Variants in LMO3 observed in about 807,000 individuals in gnomAD.
The protein encoded by LMO3 is LIM domain only 3, also known as LIM domain only protein 3.
In LMO3, 2 loss-of-function variants were observed where a neutral mutation model predicts 15.8. The ratio of observed to expected loss-of-function variants is 0.13; its 90% CI spans 0.05 to 0.40. The LOEUF (loss-of-function observed/expected upper bound fraction) is 0.40, where lower values mean the gene tolerates loss of function less well. Ranked by LOEUF, LMO3 falls within the 10% of genes least tolerant of loss-of-function variation. LMO3 has a pLI of 0.99. For synonymous variants in LMO3, 62 were observed against 63.8 expected (o/e 0.97, Z 0.13); for missense variants, 86 against 182.2 (o/e 0.47, Z 3.04).
rs1022488751 is a variant in LMO3, at chr12:16,587,723, T to C, written c.206+12932A>G. ...ACTACAGGAGACAAACAATGATATG[T>C]ATTACATGCAGTAAACACTGCCTTT... On this transcript the variant is annotated intron_variant, in intron 2 of 3. Coordinates refer to ENST00000537304, the MANE Select transcript of LMO3 (RefSeq NM_018640.5). This position sits in a 1 kb window ranked among gnomAD's most constrained non-coding sequence, Gnocchi z 4.3. Among the ~76,000 whole-genome samples the C allele has an allele frequency of 6.6e-6, 1 of 151,708 alleles. No homozygotes were observed. Among genetic ancestry groups the C allele is most frequent in the African/African-American group, 2.4e-5 (1 of 41,380 alleles).
rs564963283 is a variant in LMO3 at position 16,552,665 on chromosome 12, T to C, written c.333-1338A>G. 1.3e-3 allele frequency among the ~76,000 whole-genome samples: 203 copies of C among 152,172 alleles called. 1 individual carries two copies. Among genetic ancestry groups the C allele is most frequent in the Non-Finnish European group, 2.6e-3 (178 of 67,918 alleles). On this transcript the variant is annotated intron_variant, in intron 3 of 3. Coordinates refer to ENST00000537304, the MANE Select transcript of LMO3 (RefSeq NM_018640.5). ...TTGGTCTATTTGTGGAATTTACTTT[T>C]TTTCCCCAGGATTACTGCCTGCTGA... is the stretch of plus-strand genomic sequence containing the variant.
Position 16,604,740 on chromosome 12 carries a change from G to C in LMO3, c.-9+1326C>G. The C allele has an allele frequency of 9.4e-7, 1 of 1,060,302 alleles. No individual in the cohort carries two copies. Among genetic ancestry groups the C allele is most frequent in the South Asian group, 1.3e-5 (1 of 74,476 alleles). 65.7% of individuals were successfully genotyped at this position (1,060,302 alleles called of 1,614,324 possible). ...GTTTAAGCAGCAGTCTTTCAAAGCAGTTACAACAATAATATTTCGGTTCTT... is the reference window on the plus strand; with the variant it reads ...GTTTAAGCAGCAGTCTTTCAAAGCACTTACAACAATAATATTTCGGTTCTT... On this transcript the variant is annotated intron_variant, in intron 1 of 3. Coordinates refer to ENST00000537304, the MANE Select transcript of LMO3 (RefSeq NM_018640.5). This position sits in a 1 kb window ranked among gnomAD's most constrained non-coding sequence, Gnocchi z 5.3.
chr12:16,575,127 G>A (rs999181903), intron 2 of LMO3, among the ~76,000 whole-genome samples: 1 of 152,150 alleles, frequency 6.6e-6, no homozygotes, highest in Non-Finnish European at 1.5e-5. Flanking sequence ...TGACTTCCAA[G>A]TTATAATCTA....
chr12:16,552,153 G>C (rs553740228), intron 3 of LMO3, among the ~76,000 whole-genome samples: 2 of 151,922 alleles, frequency 1.3e-5, no homozygotes, highest in Non-Finnish European at 2.9e-5. Context: ...GTGACACTTT[G>C]GACACAATTA....
At chr12:16,572,941 C>A in intron 2 of LMO3, among the ~76,000 whole-genome samples, 1 of 151,246 alleles carries the variant, frequency 6.6e-6, no homozygotes, top group Non-Finnish European at 1.5e-5. Context: ...AATTGATCAT[C>A]AAAATAGGAA....
In LMO3 at chr12:16,589,156, G is replaced by A. The variant is rs375280220; in HGVS notation, c.206+11499C>T. Among the ~76,000 whole-genome samples the A allele has an allele frequency of 6.3e-4, 96 of 152,186 alleles. No individual in the cohort carries two copies. The highest frequency in any genetic ancestry group is 2.3e-3 in the African/African-American group (94 of 41,534). ...ATTAGATGTAACCTCACCCAGTTTG[G>A]AAGATTTTAGGGAAGTGACAAGAAC... On this transcript the variant is annotated intron_variant, in intron 2 of 3. Transcript: ENST00000537304. The surrounding 1 kb of genome is among the most constrained non-coding windows in gnomAD (Gnocchi z 4.2).
chr12:16,563,959 G>A (rs1284336493), intron 2 of LMO3, among the ~76,000 whole-genome samples: 1 of 152,022 alleles, frequency 6.6e-6, no homozygotes, highest in Non-Finnish European at 1.5e-5. Context: ...TATGTTCATA[G>A]TAGGCCTTAA....
intron 1 of LMO3, chr12:16,601,791 A>C (rs1943832846): frequency 6.6e-6 from 1 of 152,166 alleles, no homozygotes; most frequent in Non-Finnish European, 1.5e-5. Context: ...ATAAATAAGG[A>C]ATCCAGCTGG....
At chr12:16,579,621 CT>C (rs936726068) in intron 2 of LMO3, among the ~76,000 whole-genome samples, 2 of 152,224 alleles carry the variant, frequency 1.3e-5, no homozygotes, top group African/African-American at 4.8e-5. Context: ...TGGTGGAATC[CT>C]TTAGTTGAAG....
intron 2 of LMO3, among the ~76,000 whole-genome samples, chr12:16,566,930 A>G (rs1264678071): frequency 6.6e-6 from 1 of 152,210 alleles, no homozygotes; most frequent in Non-Finnish European, 1.5e-5. Flanking sequence ...CCAAAAGCCC[A>G]TGCTACATAG....
Position 16,579,735 on chromosome 12 carries a change from G to C in LMO3, c.207-19197C>G, listed in dbSNP as rs547846973. Among the ~76,000 whole-genome samples, 41 of 152,244 alleles carry C rather than the reference G, an allele frequency of 2.7e-4. No individual in the cohort carries two copies. In the South Asian group the frequency reaches 7.3e-3, roughly 27 times the overall value. On this transcript the variant is annotated intron_variant, in intron 2 of 3. Coordinates refer to ENST00000537304, the MANE Select transcript of LMO3 (RefSeq NM_018640.5). ...AGAAAATTTTTATCTTGTTTTTCCAGTAGAAATAGCATTTCAGAATGACCA... is the reference window on the plus strand; with the variant it reads ...AGAAAATTTTTATCTTGTTTTTCCACTAGAAATAGCATTTCAGAATGACCA...
rs964454173 is a variant in LMO3, at chr12:16,551,154, G to A, written c.*68C>T. The A allele has an allele frequency of 1.0e-6, 1 of 1,003,958 alleles. No individual in the cohort carries two copies. The highest frequency in any genetic ancestry group is 1.6e-6 in the Non-Finnish European group (1 of 626,400). 62.2% of individuals were successfully genotyped at this position (1,003,958 alleles called of 1,614,324 possible). ...AGTAGGTTCCTGTGTCAATTCTTAT[G>A]TACATGTGGAGCAAAAAAGATAAAA... On this transcript the variant is annotated 3_prime_UTR_variant, in exon 4 of 4. Transcript: ENST00000537304.
chr12:16,591,095 A>C lies in LMO3; in HGVS notation c.206+9560T>G, dbSNP rs1311056970. 2.0e-5 allele frequency among the ~76,000 whole-genome samples: 3 copies of C among 152,036 alleles called. No individual in the cohort carries two copies. Among genetic ancestry groups the C allele is most frequent in the African/African-American group, 7.2e-5 (3 of 41,426 alleles). On this transcript the variant is annotated intron_variant, in intron 2 of 3. Coordinates refer to ENST00000537304, the MANE Select transcript of LMO3 (RefSeq NM_018640.5). The surrounding 1 kb of genome is among the most constrained non-coding windows in gnomAD (Gnocchi z 4.1). The stretch of plus-strand genomic sequence containing the variant: ...AAGTATTATCACTTTTCTAGGGGAC[A>C]TTTAGAAATGTATACGGGGCATTGT...
intron 2 of LMO3, among the ~76,000 whole-genome samples, chr12:16,588,305 A>T (rs1943384763): frequency 6.6e-6 from 1 of 152,088 alleles, no homozygotes; most frequent in Non-Finnish European, 1.5e-5. Flanking sequence ...AAAGATATAT[A>T]ATCAAATTGT....
Position 16,604,864 on chromosome 12 carries a change from C to A in LMO3, c.-9+1202G>T, listed in dbSNP as rs200627503. ...GCATCTATGATAGACTGTAACCTTA[C>A]CAAAACTTTTCTCCTTTTTCTGCAT... On this transcript the variant is annotated intron_variant, in intron 1 of 3. Coordinates refer to ENST00000537304, the MANE Select transcript of LMO3 (RefSeq NM_018640.5). This position sits in a 1 kb window ranked among gnomAD's most constrained non-coding sequence, Gnocchi z 5.3. The A allele has an allele frequency of 1.5e-4, 234 of 1,598,324 alleles. No homozygotes were observed. Among genetic ancestry groups the A allele is most frequent in the Non-Finnish European group, 1.9e-4 (223 of 1,179,808 alleles).
rs1019889589 is a variant in LMO3, at chr12:16,576,158, G to A, written c.207-15620C>T. ...ACCAGCCTGCCCTGCCCTGCTGTCC[G>A]CCTTCCACTCTGCAGCCGGTAGCCT... On this transcript the variant is annotated intron_variant, in intron 2 of 3. Transcript: ENST00000537304. This position sits in a 1 kb window ranked among gnomAD's most constrained non-coding sequence, Gnocchi z 4.1. Among the ~76,000 whole-genome samples, 2 of 152,010 alleles carry A rather than the reference G, an allele frequency of 1.3e-5. No homozygotes were observed. Among genetic ancestry groups the A allele is most frequent in the African/African-American group, 2.4e-5 (1 of 41,378 alleles).
At chr12:16,605,126 A>G in intron 1 of LMO3, 1 of 1,421,106 alleles carries the variant, frequency 7.0e-7, no homozygotes, top group Non-Finnish European at 9.2e-7. Flanking sequence ...AGCCCCTCGC[A>G]GTGTGCAAAA....
Position 16,555,368 on chromosome 12 carries a change from G to C in LMO3, c.333-4041C>G, listed in dbSNP as rs1942156137. 6.6e-6 allele frequency among the ~76,000 whole-genome samples: 1 copy of C among 151,724 alleles called. No homozygotes were observed. Among genetic ancestry groups the C allele is most frequent in the South Asian group, 2.1e-4 (1 of 4,802 alleles). The stretch of plus-strand genomic sequence containing the variant: ...ATTTATTGGTGTATTGTTTATTTTG[G>C]TGTTTCAAAATTTCTCATGAATGTG... On this transcript the variant is annotated intron_variant, in intron 3 of 3. Coordinates refer to ENST00000537304, the MANE Select transcript of LMO3 (RefSeq NM_018640.5). This position sits in a 1 kb window ranked among gnomAD's most constrained non-coding sequence, Gnocchi z 5.5.
At chr12:16,581,199 T>C (rs1943147772) in intron 2 of LMO3, among the ~76,000 whole-genome samples, 1 of 152,180 alleles carries the variant, frequency 6.6e-6, no homozygotes, top group South Asian at 2.1e-4. Flanking sequence ...AGTAAGTCCC[T>C]GAAGCCATGT....
Sources: gnomAD v4.1 joint callset for allele counts (sites outside exome capture counted in the v4.1 genomes callset) on GRCh38, gnomAD v4.1.1 for gene constraint, Gnocchi (gnomAD v3.1) non-coding constraint, MANE v1.5 for transcripts, NCBI Gene and HGNC (gene_info 2026-07-23, HGNC 2026-07-21) for gene names.